The following SSBP3 variants were observed in gnomAD, a reference collection of about 807,000 sequenced individuals.
SSBP3 encodes single-stranded DNA-binding protein 3.
SSBP3 carries 5 observed loss-of-function variants against 69.6 expected under a neutral mutation model. The observed-to-expected ratio is 0.07, with a 90% CI of 0.04 to 0.15. SSBP3 has a LOEUF of 0.15. Among genes scored for constraint, SSBP3 ranks in the 10% least tolerant of loss-of-function variants. The probability of loss-of-function intolerance (pLI) is 1.00; values close to 1 mark genes in which losing one functional copy is unlikely to be tolerated. For synonymous variants in SSBP3, 196 were observed against 193.4 expected (o/e 1.01, Z -0.11); for missense variants, 312 against 534.0 (o/e 0.58, Z 4.10).
intron 4 of SSBP3, among the ~76,000 whole-genome samples, chr1:54,359,263 A>G (rs1646916445): frequency 6.9e-6 from 1 of 145,894 alleles, no homozygotes; most frequent in Non-Finnish European, 1.5e-5. Context: ...CCAGTTGGTG[A>G]TGGTAATACC....
intron 4 of SSBP3, among the ~76,000 whole-genome samples, chr1:54,399,590 G>C (rs924468830): frequency 2.6e-5 from 4 of 152,156 alleles, no homozygotes; most frequent in Non-Finnish European, 5.9e-5. Context: ...TATCTCATAA[G>C]TCCTCCAAGA....
rs1484442096 is a variant in SSBP3 at position 54,280,009 on chromosome 1, C to T, written c.366+1429G>A. 2.0e-5 allele frequency among the ~76,000 whole-genome samples: 3 copies of T among 152,226 alleles called. No individual in the cohort carries two copies. The East Asian group carries it at 5.8e-4, about 29-fold the overall frequency. On this transcript the variant is annotated intron_variant, in intron 5 of 17. Coordinates refer to ENST00000610401, the Ensembl canonical transcript of SSBP3. ...ACTCATCTCCACCCCTTGGACAAGG[C>T]TCCAGTTTTGGCAGTGTTCTGGGAA...
intron 10 of SSBP3, 101 bp downstream of exon 10, chr1:54,243,134 G>A: frequency 9.8e-7 from 1 of 1,024,368 alleles, no homozygotes; most frequent in Non-Finnish European, 1.5e-6. Flanking sequence ...GGTCCAGAGA[G>A]GTACCAGCAA....
chr1:54,386,504 A>G (rs1056784349), intron 4 of SSBP3, among the ~76,000 whole-genome samples: 1 of 151,484 alleles, frequency 6.6e-6, no homozygotes, highest in Non-Finnish European at 1.5e-5. Context: ...AGGTGTTCTC[A>G]CCCCCAGTTC....
At chr1:54,379,243 C>T (rs1374834424) in intron 4 of SSBP3, among the ~76,000 whole-genome samples, 1 of 152,256 alleles carries the variant, frequency 6.6e-6, no homozygotes, top group Non-Finnish European at 1.5e-5. Context: ...GCCAGCAGCA[C>T]ACCTCGGCCA....
chr1:54,231,648 C>T (rs1450043745), intron 14 of SSBP3, among the ~76,000 whole-genome samples: 1 of 152,148 alleles, frequency 6.6e-6, no homozygotes, highest in Admixed American at 6.5e-5. Flanking sequence ...TTTGTAGTTT[C>T]AGCTCTAACA....
intron 14 of SSBP3, among the ~76,000 whole-genome samples, chr1:54,235,208 T>G (rs1310254902): frequency 1.3e-5 from 2 of 151,900 alleles, no homozygotes; most frequent in African/African-American, 4.8e-5. Flanking sequence ...GAGGACCAGC[T>G]GCTTGTCAAT....
At chr1:54,311,774 CATCATCACT>C (rs1222835178) in intron 4 of SSBP3, among the ~76,000 whole-genome samples, 1 of 152,110 alleles carries the variant, frequency 6.6e-6, no homozygotes, top group Non-Finnish European at 1.5e-5. Context: ...TGAGCCAAAC[CATCATCACT>C]ATAAAAAAGC....
chr1:54,406,740 C>T (rs1570086771), upstream of SSBP3, among the ~76,000 whole-genome samples: 1 of 151,318 alleles, frequency 6.6e-6, no homozygotes, highest in Non-Finnish European at 1.5e-5. Flanking sequence ...CACTGGGGGG[C>T]TAGGGGGGCG....
intron 9 of SSBP3, 77 bp downstream of exon 9, chr1:54,251,539 C>CA: frequency 7.0e-7 from 1 of 1,431,566 alleles, no homozygotes. Context: ...GGGAGACTGA[C>CA]AGAGCATGGA....
rs142291024 is a variant in SSBP3 at position 54,400,879 on chromosome 1, G to A, written c.276+982C>T. On this transcript the variant is annotated intron_variant, in intron 4 of 17. Transcript: ENST00000610401. ...TCAGATGGCTGGGCCAAGCAGGTGG[G>A]ACCCAATGACGTTCAAGAAACCAAC... Among the ~76,000 whole-genome samples, 365 of 152,266 alleles carry A rather than the reference G, an allele frequency of 2.4e-3. 2 individuals are homozygous for A. The highest frequency in any genetic ancestry group is 7.9e-3 in the African/African-American group (328 of 41,550).
chr1:54,324,204 G>C (rs770337026), intron 4 of SSBP3, among the ~76,000 whole-genome samples: 6 of 152,164 alleles, frequency 3.9e-5, no homozygotes, highest in Non-Finnish European at 7.3e-5. Flanking sequence ...AAAGCCTTCC[G>C]GCCACAGAAA....
chr1:54,350,889 G>A (rs1444998623), intron 4 of SSBP3, among the ~76,000 whole-genome samples: 1 of 152,042 alleles, frequency 6.6e-6, no homozygotes, highest in Non-Finnish European at 1.5e-5. Flanking sequence ...ATGCTGGAGT[G>A]CAGTGGTGCA....
Position 54,377,516 on chromosome 1 carries a change from G to C in SSBP3, c.276+24345C>G, listed in dbSNP as rs146686674. Among the ~76,000 whole-genome samples, 70 of 152,328 alleles carry C rather than the reference G, an allele frequency of 4.6e-4. No individual in the cohort carries two copies. In the South Asian group the frequency reaches 5.4e-3, roughly 12 times the overall value. Reference sequence around the variant, plus strand: ...GCTTGAGGTAGGACGCCAGCAGCCAGGCTCTTAACACTCAGGAAGGGTGGT... The same window carrying C: ...GCTTGAGGTAGGACGCCAGCAGCCACGCTCTTAACACTCAGGAAGGGTGGT... On this transcript the variant is annotated intron_variant, in intron 4 of 17. Transcript: ENST00000610401.
At chr1:54,248,980 C>T (rs1012859935) in intron 9 of SSBP3, among the ~76,000 whole-genome samples, 1 of 152,100 alleles carries the variant, frequency 6.6e-6, no homozygotes, top group African/African-American at 2.4e-5. Context: ...GGAGACACTC[C>T]TAGGGTCTAA....
chr1:54,240,954 G>A, exon 13 of SSBP3: 1 of 1,609,666 alleles, frequency 6.2e-7, no homozygotes, highest in Non-Finnish European at 8.5e-7. Flanking sequence ...CACCACCAGG[G>A]GGTCCCTAAA....
At chr1:54,316,665 TAAATAA>T (rs1553137554) in intron 4 of SSBP3, among the ~76,000 whole-genome samples, 1 of 20,650 alleles carries the variant, frequency 4.8e-5, no homozygotes, top group African/African-American at 1.2e-4. Context: ...AAAAATAAAA[TAAATAA>T]ATAAATAAAT....
In SSBP3 at chr1:54,258,512, C is replaced by T. The variant is rs1009564045; in HGVS notation, c.367-363G>A. Among the ~76,000 whole-genome samples, 8 of 152,186 alleles carry T rather than the reference C, an allele frequency of 5.3e-5. No individual in the cohort carries two copies. Among genetic ancestry groups the T allele is most frequent in the Non-Finnish European group, 1.0e-4 (7 of 68,038 alleles). On this transcript the variant is annotated intron_variant, in intron 5 of 17. Transcript: ENST00000610401. This position sits in a 1 kb window ranked among gnomAD's most constrained non-coding sequence, Gnocchi z 4.5. The stretch of plus-strand genomic sequence containing the variant: ...GGCTCAGAGGGAGTACAATGATGCA[C>T]AGACACAGGGACCCAGGTGCAAAGC...
At chr1:54,325,805 G>A (rs1646291222) in intron 4 of SSBP3, among the ~76,000 whole-genome samples, 1 of 152,128 alleles carries the variant, frequency 6.6e-6, no homozygotes, top group Non-Finnish European at 1.5e-5. Flanking sequence ...TTTTTCTCTG[G>A]TTTCCTCCAC....
Sources: gnomAD v4.1 joint callset for allele counts (sites outside exome capture counted in the v4.1 genomes callset) on GRCh38, gnomAD v4.1.1 for gene constraint, Gnocchi (gnomAD v3.1) non-coding constraint, MANE v1.5 for transcripts, NCBI Gene and HGNC (gene_info 2026-07-23, HGNC 2026-07-21) for gene names.